Variants in CCDC102B observed in about 807,000 individuals in gnomAD.
CCDC102B encodes coiled-coil domain containing 102B, also known as coiled-coil domain-containing protein 102B.
Under a neutral mutation model 57.4 loss-of-function variants are expected in CCDC102B, and 75 were observed. The ratio of observed to expected loss-of-function variants is 1.31; its 90% CI spans 1.08 to 1.58. The LOEUF is 1.58. CCDC102B is among the 40% of genes most tolerant of loss of function. The probability of loss-of-function intolerance (pLI) is 0.00; values close to 1 mark genes in which losing one functional copy is unlikely to be tolerated. For synonymous variants in CCDC102B, 206 were observed against 201.9 expected, an observed-to-expected ratio of 1.02 and a Z score of -0.17; for missense variants, 636 against 582.6, an observed-to-expected ratio of 1.09 and a Z score of -0.94.
intron 2 of CCDC102B, among the ~76,000 whole-genome samples, chr18:68,733,589 A>G (rs941351975): frequency 2.0e-5 from 3 of 150,664 alleles, no homozygotes. Flanking sequence ...TACATTTCAT[A>G]GTGTTTTATT....
chr18:68,756,521 G>A (rs1421546062), intron 2 of CCDC102B, among the ~76,000 whole-genome samples: 5 of 152,064 alleles, frequency 3.3e-5, no homozygotes, highest in Non-Finnish European at 5.9e-5. Context: ...AATATCCTCC[G>A]TAGACTGATG....
At chr18:68,839,048 G>A (rs2037511346) in intron 3 of CCDC102B, 122 bp downstream of exon 3, 1 of 841,740 alleles carries the variant, frequency 1.2e-6, no homozygotes, top group African/African-American at 1.7e-5. Flanking sequence ...TAAGTTTTAG[G>A]ATTTAAAGAA....
chr18:68,826,716 A>G (rs944448217), intron 1 of CCDC102B, among the ~76,000 whole-genome samples: 1 of 152,198 alleles, frequency 6.6e-6, no homozygotes, highest in Admixed American at 6.5e-5. Context: ...ATTTTACCCA[A>G]TTATTCTGAG....
In CCDC102B at chr18:68,907,850, G is replaced by A. The variant is rs118154551; in HGVS notation, c.1263+10422G>A. Among the ~76,000 whole-genome samples, 1,285 of 152,266 alleles carry A rather than the reference G, an allele frequency of 8.4e-3. 13 individuals carry two copies. The highest frequency in any genetic ancestry group is 0.037 in the Middle Eastern group (11 of 294). ...AAACAGCAGTAATGGAAGGAGGCAC[G>A]CTTGTATTGGGGCTCATCTTAGGGG... On this transcript the variant is annotated intron_variant, in intron 6 of 7. Coordinates refer to ENST00000360242, the MANE Select transcript of CCDC102B (RefSeq NM_024781.3).
chr18:68,905,175 G>T (rs1359395323), intron 6 of CCDC102B, among the ~76,000 whole-genome samples: 1 of 150,496 alleles, frequency 6.6e-6, no homozygotes, highest in Non-Finnish European at 1.5e-5. Context: ...TTAAAACAAA[G>T]ATGCAAAATT....
At chr18:68,827,248 T>C (rs1168907379) in intron 1 of CCDC102B, among the ~76,000 whole-genome samples, 2 of 152,100 alleles carry the variant, frequency 1.3e-5, no homozygotes, top group Non-Finnish European at 2.9e-5. Flanking sequence ...AACAATCAAA[T>C]AGAAATATGA....
chr18:68,953,397 A>G (rs1487841413), intron 6 of CCDC102B, among the ~76,000 whole-genome samples: 1 of 135,896 alleles, frequency 7.4e-6, no homozygotes, highest in African/African-American at 2.8e-5. Flanking sequence ...CCTTACAAGT[A>G]TGAGGTGGTA....
At chr18:68,758,943 A>G (rs2145263115) in intron 2 of CCDC102B, among the ~76,000 whole-genome samples, 1 of 151,848 alleles carries the variant, frequency 6.6e-6, no homozygotes, top group East Asian at 1.9e-4. Context: ...AAACCTAAAA[A>G]AAAAAACCTC....
chr18:68,868,903 T>C (rs2039119536), intron 4 of CCDC102B, among the ~76,000 whole-genome samples: 1 of 152,178 alleles, frequency 6.6e-6, no homozygotes, highest in Non-Finnish European at 1.5e-5. Flanking sequence ...CCACGTGTCC[T>C]GAGCTTGATG....
intron 1 of CCDC102B, among the ~76,000 whole-genome samples, chr18:68,811,589 T>A (rs986914552): frequency 6.6e-6 from 1 of 152,158 alleles, no homozygotes; most frequent in African/African-American, 2.4e-5. Flanking sequence ...CACTCCAGCC[T>A]GGGCAACAAG....
chr18:68,716,137 A>C (rs935619791), intron 1 of CCDC102B, among the ~76,000 whole-genome samples: 8 of 151,978 alleles, frequency 5.3e-5, no homozygotes, highest in African/African-American at 1.9e-4. Flanking sequence ...TTTTTAAGAA[A>C]AAAGTAGACT....
chr18:68,749,723 C>G (rs191548937), intron 2 of CCDC102B, among the ~76,000 whole-genome samples: 1 of 152,134 alleles, frequency 6.6e-6, no homozygotes, highest in Non-Finnish European at 1.5e-5. Context: ...CATCTGCAAA[C>G]AGCGACAATT....
chr18:68,810,407 G>C (rs1238559175), intron 1 of CCDC102B, among the ~76,000 whole-genome samples: 1 of 152,020 alleles, frequency 6.6e-6, no homozygotes, highest in South Asian at 2.1e-4. Flanking sequence ...ATTTATATCT[G>C]ATTAAAATGG....
At chr18:68,743,828 A>G (rs2033508433) in intron 2 of CCDC102B, among the ~76,000 whole-genome samples, 1 of 152,198 alleles carries the variant, frequency 6.6e-6, no homozygotes, top group Admixed American at 6.5e-5. Context: ...TATTTAGAAG[A>G]AAGAAACTTC....
chr18:68,820,388 A>G (rs7243616), intron 1 of CCDC102B, among the ~76,000 whole-genome samples: 65,594 of 151,828 alleles, frequency 0.43, 15,463 homozygotes, highest in East Asian at 0.86. Flanking sequence ...CCAAAATTAT[A>G]TTTCTGGAGC....
intron 2 of CCDC102B, among the ~76,000 whole-genome samples, chr18:68,763,155 A>G (rs770262714): frequency 6.6e-6 from 1 of 152,104 alleles, no homozygotes; most frequent in Non-Finnish European, 1.5e-5. Flanking sequence ...ATGGTCTTTA[A>G]AGACCTTTTT....
intron 4 of CCDC102B, 152 bp downstream of exon 4, chr18:68,846,573 G>A (rs1181308590): frequency 4.4e-6 from 2 of 454,156 alleles, no homozygotes; most frequent in South Asian, 5.5e-5. Context: ...GAAATCACTT[G>A]TCAATAGTGG....
chr18:69,029,655 T>G (rs533357658), intron 7 of CCDC102B, among the ~76,000 whole-genome samples: 47 of 152,296 alleles, frequency 3.1e-4, no homozygotes, highest in African/African-American at 8.7e-4. Context: ...GTTCATAAGG[T>G]CAAAACTACT....
rs1393913451 is a variant in CCDC102B, at chr18:68,836,759, T to C, written c.-5T>C. The C allele has an allele frequency of 1.2e-6, 2 of 1,604,312 alleles. No individual in the cohort carries two copies. Among genetic ancestry groups the C allele is most frequent in the Non-Finnish European group, 1.7e-6 (2 of 1,176,594 alleles). On this transcript the variant is annotated 5_prime_UTR_variant, in exon 2 of 8. Transcript: ENST00000360242. ...TCTATCTTTTCTCAGGTCTTAAAAA[T>C]AAATATGAATTTAGATTCCATACAT... is the stretch of plus-strand genomic sequence containing the variant.
Sources: allele counts gnomAD v4.1 joint callset (sites outside exome capture counted in the v4.1 genomes callset), GRCh38; gene constraint gnomAD v4.1.1; transcripts MANE v1.5; gene names NCBI Gene and HGNC (gene_info 2026-07-23, HGNC 2026-07-21).